Variants in COL11A1 observed in about 807,000 individuals in gnomAD.
The protein encoded by COL11A1 is collagen alpha-1(XI) chain.
COL11A1 carries 74 observed loss-of-function variants against 265.2 expected under a neutral mutation model. That is an observed-to-expected ratio of 0.28 (90% confidence interval 0.23 to 0.34). The LOEUF is 0.34. COL11A1 is among the 10% of genes least tolerant of loss of function. COL11A1 has a pLI of 1.00. For missense variants in COL11A1, 2,165 were observed against 2,263.6 expected, an observed-to-expected ratio of 0.96 and a Z score of 0.88; for synonymous variants, 816 against 727.6, an observed-to-expected ratio of 1.12 and a Z score of -1.96.
At chr1:102,914,272 A>ATT in intron 52 of COL11A1, 80 bp downstream of exon 52, 11 of 1,120,952 alleles carry the variant, frequency 9.8e-6, no homozygotes, top group African/African-American at 4.6e-5. Flanking sequence ...AGGTTATTAG[A>ATT]TTTTTTTTTC....
At chr1:102,949,628 A>G (rs1198456387) in intron 41 of COL11A1, among the ~76,000 whole-genome samples, 3 of 152,220 alleles carry the variant, frequency 2.0e-5, no homozygotes, top group Non-Finnish European at 1.5e-5. Context: ...TTGCATATGC[A>G]ATATAATTTT....
At chr1:103,078,562 G>A (rs1672156935) in intron 3 of COL11A1, 96 bp downstream of exon 3, 9 of 1,200,524 alleles carry the variant, frequency 7.5e-6, no homozygotes, top group African/African-American at 1.5e-5. Flanking sequence ...CCAGCCTCTA[G>A]AAAAACCTTA....
chr1:102,897,551 T>A (rs1652593236), intron 57 of COL11A1, among the ~76,000 whole-genome samples: 1 of 152,070 alleles, frequency 6.6e-6, no homozygotes. Flanking sequence ...TAGCCTCAGA[T>A]CCTATAATAA....
At chr1:102,920,020 G>A (rs1655793019) in intron 49 of COL11A1, among the ~76,000 whole-genome samples, 1 of 151,950 alleles carries the variant, frequency 6.6e-6, no homozygotes. Flanking sequence ...GAATCCTCTA[G>A]GGCTCAGCTT....
rs1666704097 is a variant in COL11A1, at chr1:103,018,021, TC to T, written c.1351-140del. On this transcript the variant is annotated intron_variant, in intron 10 of 66. Coordinates refer to ENST00000370096, the MANE Select transcript of COL11A1 (RefSeq NM_001854.4). ...TTCTAAACAGTTGCCCTATTTATCTTCCTGTGAAAAGACAACATATAGAAAC... is the reference window on the plus strand; with the variant it reads ...TTCTAAACAGTTGCCCTATTTATCTTCTGTGAAAAGACAACATATAGAAAC... 7 of 776,414 alleles carry T rather than the reference TC, an allele frequency of 9.0e-6. No individual in the cohort carries two copies. In the Admixed American group the frequency reaches 1.3e-4, roughly 15 times the overall value. The allele number at this position is 776,414 out of a possible 1,614,324, so 48.1% of individuals were successfully genotyped here.
At chr1:103,043,563 T>G (rs1462301075) in intron 4 of COL11A1, among the ~76,000 whole-genome samples, 2 of 152,086 alleles carry the variant, frequency 1.3e-5, no homozygotes, top group Non-Finnish European at 2.9e-5. Context: ...GGCCAATAAT[T>G]TATTCACCAT....
At chr1:103,025,439 A>T in intron 7 of COL11A1, 82 bp downstream of exon 7, 1 of 970,062 alleles carries the variant, frequency 1.0e-6, no homozygotes. Context: ...GAAATTATAG[A>T]TTCTTCCAGA....
At chr1:102,908,639 T>C (rs75520075) in intron 54 of COL11A1, among the ~76,000 whole-genome samples, 2,612 of 152,214 alleles carry the variant, frequency 0.017, 58 homozygotes, top group East Asian at 0.11. Context: ...CCACTTTCCA[T>C]TGATGTGTAA....
intron 43 of COL11A1, among the ~76,000 whole-genome samples, chr1:102,939,423 A>T (rs932481887): frequency 2.6e-5 from 4 of 152,354 alleles, no homozygotes; most frequent in Middle Eastern, 6.8e-3. Flanking sequence ...TTACTTTACC[A>T]GCTAGGTTCT....
Position 103,031,249 on chromosome 1 carries a change from G to GAAA in COL11A1, c.652-8_652-6dup, listed in dbSNP as rs36076089. 25,668 of 1,351,464 alleles carry GAAA rather than the reference G, an allele frequency of 0.019. 185 individuals carry two copies. The highest frequency in any genetic ancestry group is 0.072 in the African/African-American group (4,951 of 68,672). 83.7% of individuals were successfully genotyped at this position (1,351,464 alleles called of 1,614,324 possible). On this transcript the variant is annotated splice_polypyrimidine_tract_variant and splice_region_variant and intron_variant, in intron 4 of 66. Coordinates refer to ENST00000370096, the MANE Select transcript of COL11A1 (RefSeq NM_001854.4). Reference sequence around the variant, plus strand: ...CAAAAACTGCTGAATGTCCCCCTGGGAAAAAAAAAAAAACAAAAACAAACA... The same window carrying GAAA: ...CAAAAACTGCTGAATGTCCCCCTGGGAAAAAAAAAAAAAAAACAAAAACAAACA...
chr1:103,085,288 C>T (rs1672759229), intron 1 of COL11A1, among the ~76,000 whole-genome samples: 1 of 152,178 alleles, frequency 6.6e-6, no homozygotes, highest in African/African-American at 2.4e-5. Flanking sequence ...CAGTTCAGGG[C>T]CCCAAATGGC....
chr1:102,888,841 T>A, intron 60 of COL11A1, 25 bp downstream of exon 60: 1 of 1,612,196 alleles, frequency 6.2e-7, no homozygotes. Flanking sequence ...CCCTACCTTA[T>A]AAGGTTATTT....
At chr1:102,946,146 G>C (rs1659240377) in intron 42 of COL11A1, among the ~76,000 whole-genome samples, 1 of 129,376 alleles carries the variant, frequency 7.7e-6, no homozygotes, top group African/African-American at 2.9e-5. Context: ...ATGGACACAG[G>C]AAGGAGAACA....
At chr1:102,917,296 T>G (rs1206678369) in intron 49 of COL11A1, among the ~76,000 whole-genome samples, 1 of 151,840 alleles carries the variant, frequency 6.6e-6, no homozygotes, top group Non-Finnish European at 1.5e-5. Flanking sequence ...GCAGAAGAAT[T>G]AAACTAGACT....
intron 57 of COL11A1, among the ~76,000 whole-genome samples, chr1:102,893,136 T>G (rs1375510800): frequency 6.6e-6 from 1 of 152,164 alleles, no homozygotes; most frequent in African/African-American, 2.4e-5. Context: ...TAGTTTTAGA[T>G]ATGCTACAGA....
At chr1:103,051,451 G>A (rs1395380190) in intron 4 of COL11A1, among the ~76,000 whole-genome samples, 1 of 152,186 alleles carries the variant, frequency 6.6e-6, no homozygotes, top group Non-Finnish European at 1.5e-5. Flanking sequence ...AGCCCATTGG[G>A]AAAGCACAGT....
intron 53 of COL11A1, among the ~76,000 whole-genome samples, chr1:102,912,435 G>C (rs1260587291): frequency 6.6e-6 from 1 of 152,074 alleles, no homozygotes; most frequent in Non-Finnish European, 1.5e-5. Flanking sequence ...AGAACAAAGT[G>C]AATCAAATTC....
At chr1:103,014,479 T>A (rs766958281) in intron 13 of COL11A1, 32 bp downstream of exon 13, 2 of 1,561,410 alleles carry the variant, frequency 1.3e-6, no homozygotes, top group East Asian at 2.2e-5. Context: ...GAGTCAGTCA[T>A]CTTGTGGGAA....
chr1:103,068,774 A>G (rs917845946), intron 4 of COL11A1, among the ~76,000 whole-genome samples: 1 of 151,516 alleles, frequency 6.6e-6, no homozygotes, highest in Non-Finnish European at 1.5e-5. Flanking sequence ...CGTGTTTTCT[A>G]TATTAGGAAG....
Sources: allele counts gnomAD v4.1 joint callset (sites outside exome capture counted in the v4.1 genomes callset), GRCh38; gene constraint gnomAD v4.1.1; transcripts MANE v1.5; gene names NCBI Gene and HGNC (gene_info 2026-07-23, HGNC 2026-07-21).